The following DOK6 variants were observed in gnomAD, a reference collection of about 807,000 sequenced individuals.
DOK6 encodes the protein docking protein 6, also known as downstream of tyrosine kinase 6.
DOK6 carries 22 observed loss-of-function variants against 44.0 expected under a neutral mutation model. The observed-to-expected ratio is 0.50, with a 90% CI of 0.36 to 0.71. The LOEUF is 0.71. DOK6 is among the 30% of genes least tolerant of loss of function. The pLI, the probability that DOK6 is intolerant of heterozygous loss-of-function variation, is 0.00. For missense variants in DOK6, 340 were observed against 416.4 expected (o/e 0.82, Z 1.60); for synonymous variants, 166 against 145.5 (o/e 1.14, Z -1.01).
intron 5 of DOK6, among the ~76,000 whole-genome samples, chr18:69,710,653 G>C (rs935360777): frequency 1.7e-4 from 26 of 152,212 alleles, no homozygotes; most frequent in African/African-American, 6.3e-4. Flanking sequence ...AGCAAAATTA[G>C]TGTTAAGTGT....
chr18:69,599,814 T>A (rs1029421652), intron 3 of DOK6, among the ~76,000 whole-genome samples: 1 of 152,184 alleles, frequency 6.6e-6, no homozygotes, highest in Non-Finnish European at 1.5e-5. Context: ...TCTTGCTCAT[T>A]GTGTCTCTAG....
At position 69,557,925 on chromosome 18, in the gene DOK6, G is replaced by T. The variant is rs187046175; in HGVS notation, c.67-6562G>T. Reference sequence around the variant, plus strand: ...TTGAAAGCCAAGTAGTACCCGAAGAGACTGCCCCATCTCTTCCCACCTACT... The same window carrying T: ...TTGAAAGCCAAGTAGTACCCGAAGATACTGCCCCATCTCTTCCCACCTACT... On this transcript the variant is annotated intron_variant, in intron 1 of 7. Coordinates refer to ENST00000382713, the MANE Select transcript of DOK6 (RefSeq NM_152721.6). Among the ~76,000 whole-genome samples, 232 of 152,210 alleles carry T rather than the reference G, an allele frequency of 1.5e-3. 2 individuals carry two copies. Among genetic ancestry groups the T allele is most frequent in the African/African-American group, 5.3e-3 (221 of 41,548 alleles).
At chr18:69,631,239 A>G (rs1198745797) in intron 3 of DOK6, among the ~76,000 whole-genome samples, 2 of 152,176 alleles carry the variant, frequency 1.3e-5, no homozygotes, top group Non-Finnish European at 2.9e-5. Context: ...GTCTCTTCAT[A>G]TGGGAAAGTT....
intron 1 of DOK6, among the ~76,000 whole-genome samples, chr18:69,560,137 T>C (rs571613267): frequency 2.0e-5 from 3 of 152,284 alleles, no homozygotes; most frequent in African/African-American, 7.2e-5. Flanking sequence ...CTATGTCTTG[T>C]AATCCTCAAA....
chr18:69,615,817 C>T (rs1416233227), intron 3 of DOK6, among the ~76,000 whole-genome samples: 29 of 152,124 alleles, frequency 1.9e-4, no homozygotes, highest in Non-Finnish European at 1.5e-5. Context: ...CAGCCTCTAC[C>T]GTGCATGGGG....
rs187915467 is a variant in DOK6, at chr18:69,406,001, T to C, written c.66+4691T>C. Among the ~76,000 whole-genome samples, 415 of 152,378 alleles carry C rather than the reference T, an allele frequency of 2.7e-3. 15 individuals are homozygous for C. Among genetic ancestry groups the C allele is most frequent in the Admixed American group, 0.025 (382 of 15,300 alleles). On this transcript the variant is annotated intron_variant, in intron 1 of 7. Coordinates refer to ENST00000382713, the MANE Select transcript of DOK6 (RefSeq NM_152721.6). ...GTGGTATCTATGTTTATTTATCATT[T>C]GTATATTTATCATTTCTCATTAAAT...
chr18:69,517,009 T>C (rs1981545498), intron 1 of DOK6, among the ~76,000 whole-genome samples: 1 of 152,156 alleles, frequency 6.6e-6, no homozygotes, highest in Non-Finnish European at 1.5e-5. Flanking sequence ...TTATCTCCTC[T>C]TTCTCCGTCT....
At chr18:69,711,045 A>G (rs1314341840) in intron 5 of DOK6, among the ~76,000 whole-genome samples, 6 of 152,216 alleles carry the variant, frequency 3.9e-5, no homozygotes, top group Non-Finnish European at 8.8e-5. Context: ...TTCCAGAGAA[A>G]TATTTTAGAG....
chr18:69,621,954 T>C (rs1984453193), intron 3 of DOK6, among the ~76,000 whole-genome samples: 2 of 152,196 alleles, frequency 1.3e-5, no homozygotes, highest in Admixed American at 1.3e-4. Flanking sequence ...ACTTGCTTCT[T>C]GGGAGAACTT....
intron 1 of DOK6, among the ~76,000 whole-genome samples, chr18:69,540,831 C>T (rs1317871961): frequency 6.6e-6 from 1 of 152,148 alleles, no homozygotes; most frequent in African/African-American, 2.4e-5. Flanking sequence ...GTTATTTTAG[C>T]TCTTACTTTG....
rs1159597648 is a variant in DOK6, at chr18:69,804,068, T to C, written c.857-37176T>C. On this transcript the variant is annotated intron_variant, in intron 7 of 7. Coordinates refer to ENST00000382713, the MANE Select transcript of DOK6 (RefSeq NM_152721.6). Reference sequence around the variant, plus strand: ...CAAACTAGAAATGTCAGAAAGAGGATTGATTTTCCCTAAACAAAATTTTTG... The same window carrying C: ...CAAACTAGAAATGTCAGAAAGAGGACTGATTTTCCCTAAACAAAATTTTTG... Among the ~76,000 whole-genome samples the C allele has an allele frequency of 2.6e-5, 4 of 152,274 alleles. 1 individual carries two copies. Among genetic ancestry groups the C allele is most frequent in the East Asian group, 1.9e-4 (1 of 5,182 alleles).
At chr18:69,444,037 T>C (rs1195957105) in intron 1 of DOK6, among the ~76,000 whole-genome samples, 1 of 152,170 alleles carries the variant, frequency 6.6e-6, no homozygotes, top group East Asian at 1.9e-4. Context: ...TGTGTGTATA[T>C]ATATGTATAC....
intron 5 of DOK6, among the ~76,000 whole-genome samples, chr18:69,703,054 A>G (rs941555363): frequency 2.8e-4 from 5 of 17,842 alleles, no homozygotes; most frequent in East Asian, 0.017. Context: ...CCGAGGGGGA[A>G]AAAAAAAAAG....
chr18:69,653,481 A>G (rs1434266167), intron 3 of DOK6, among the ~76,000 whole-genome samples: 1 of 152,126 alleles, frequency 6.6e-6, no homozygotes, highest in Non-Finnish European at 1.5e-5. Context: ...GAAGAAGCCA[A>G]GCTGAAGGTG....
chr18:69,543,582 T>A (rs993709459), intron 1 of DOK6, among the ~76,000 whole-genome samples: 1 of 151,570 alleles, frequency 6.6e-6, no homozygotes, highest in Non-Finnish European at 1.5e-5. Flanking sequence ...TTTAAACCAA[T>A]ACATTAATAT....
rs555169417 is a variant in DOK6 at position 69,596,727 on chromosome 18, G to A, written c.175-2657G>A. Among the ~76,000 whole-genome samples the A allele has an allele frequency of 2.6e-3, 401 of 152,020 alleles. 1 individual carries two copies. Among genetic ancestry groups the A allele is most frequent in the Non-Finnish European group, 4.7e-3 (322 of 67,990 alleles). Reference sequence around the variant, plus strand: ...AATAGTAAGTGATCCCAGTCCAACCGTAACAAAAAACAGTATCAGTAAGGT... The same window carrying A: ...AATAGTAAGTGATCCCAGTCCAACCATAACAAAAAACAGTATCAGTAAGGT... On this transcript the variant is annotated intron_variant, in intron 2 of 7. Coordinates refer to ENST00000382713, the MANE Select transcript of DOK6 (RefSeq NM_152721.6).
chr18:69,471,631 G>A (rs1289892765), intron 1 of DOK6: 1 of 151,540 alleles, frequency 6.6e-6, no homozygotes, highest in Non-Finnish European at 1.5e-5. Context: ...TTACAACTGG[G>A]TGGGGGGTTG....
chr18:69,682,726 C>T (rs896906957), intron 4 of DOK6, among the ~76,000 whole-genome samples: 2 of 151,982 alleles, frequency 1.3e-5, no homozygotes. Context: ...AAGTGAAAAG[C>T]TGATATAAAA....
At chr18:69,600,675 A>T (rs1318146968) in intron 3 of DOK6, among the ~76,000 whole-genome samples, 6 of 151,324 alleles carry the variant, frequency 4.0e-5, no homozygotes, top group East Asian at 3.9e-4. Flanking sequence ...ACTAGTATTT[A>T]AAAAAAAACT....
Sources: allele counts gnomAD v4.1 joint callset (sites outside exome capture counted in the v4.1 genomes callset), GRCh38; gene constraint gnomAD v4.1.1; transcripts MANE v1.5; gene names NCBI Gene and HGNC (gene_info 2026-07-23, HGNC 2026-07-21).